The following TSC22D2 variants were observed in gnomAD, a reference collection of about 807,000 sequenced individuals.
TSC22D2 encodes TSC22 domain family protein 2.
TSC22D2 carries 5 observed loss-of-function variants against 50.1 expected under a neutral mutation model. The observed-to-expected ratio is 0.10, with a 90% CI of 0.05 to 0.21. TSC22D2 has a LOEUF of 0.21. TSC22D2 is among the 10% of genes least tolerant of loss of function. TSC22D2 has a pLI of 1.00. For synonymous variants in TSC22D2, 501 were observed against 450.1 expected (o/e 1.11, Z -1.43); for missense variants, 1,003 against 1,015.5 (o/e 0.99, Z 0.17).
chr3:150,446,667 G>A (rs752633494), intron 1 of TSC22D2, among the ~76,000 whole-genome samples: 8 of 151,870 alleles, frequency 5.3e-5, no homozygotes, highest in Non-Finnish European at 1.2e-4. Flanking sequence ...TGATGGCCAT[G>A]CTTGTGCTCT....
intron 1 of TSC22D2, 92 bp downstream of exon 1, chr3:150,411,400 GCCC>G (rs1452798400): frequency 1.5e-6 from 2 of 1,343,016 alleles, no homozygotes; most frequent in Admixed American, 4.7e-5. Flanking sequence ...GTCAACGGAG[GCCC>G]TTAGCATTTT....
chr3:150,430,116 C>T (rs1446626677), intron 1 of TSC22D2, among the ~76,000 whole-genome samples: 1 of 152,076 alleles, frequency 6.6e-6, no homozygotes, highest in East Asian at 1.9e-4. Flanking sequence ...GTAAGCACTT[C>T]ATATCTCTCA....
intron 1 of TSC22D2, among the ~76,000 whole-genome samples, chr3:150,446,267 G>C (rs961847835): frequency 6.6e-6 from 1 of 152,110 alleles, no homozygotes; most frequent in Admixed American, 6.6e-5. Context: ...AAATACTTTA[G>C]ACAAGAGATA....
intron 1 of TSC22D2, among the ~76,000 whole-genome samples, chr3:150,416,704 C>T (rs530321043): frequency 2.6e-5 from 4 of 152,206 alleles, no homozygotes; most frequent in East Asian, 1.9e-4. Context: ...CCAGTTTGCA[C>T]CATTCCTATA....
At chr3:150,442,657 T>C (rs943736549) in intron 1 of TSC22D2, among the ~76,000 whole-genome samples, 1 of 152,216 alleles carries the variant, frequency 6.6e-6, no homozygotes, top group Admixed American at 6.5e-5. Context: ...AGGCTAAATA[T>C]TAGCTTGTCT....
chr3:150,410,760 C>G lies in TSC22D2; in HGVS notation c.1410C>G (p.Leu470=), dbSNP rs764536032. The change falls in exon 1 of 3, where the codon CTC becomes CTG. Residue 470 remains leucine, a synonymous_variant. Coordinates refer to ENST00000688009, the MANE Select transcript of TSC22D2 (RefSeq NM_001303264.2). Reference sequence around the variant, plus strand: ...TGGGAGGCGTGGTGCAGCCGTGCCTCGGTCCTGCCGGGGCTGGGCAGCCCC... The same window carrying G: ...TGGGAGGCGTGGTGCAGCCGTGCCTGGGTCCTGCCGGGGCTGGGCAGCCCC... The part of the protein sequence containing the change: ...ATVGGVVQPC[L]GPAGAGQPQS... The G allele has an allele frequency of 6.2e-7, 1 of 1,608,984 alleles. No homozygotes were observed.
At chr3:150,415,132 A>G (rs1175661336) in intron 1 of TSC22D2, among the ~76,000 whole-genome samples, 1 of 152,120 alleles carries the variant, frequency 6.6e-6, no homozygotes, top group Non-Finnish European at 1.5e-5. Flanking sequence ...CTTTATTCAT[A>G]AACGTGGCTT....
chr3:150,409,070 T>G lies in TSC22D2; in HGVS notation c.-281T>G. ...TCTCGCCGCCTCTGAGGGAATTGAA[T>G]TGAGGCGCCGCGGCTGCGAGAGCTA... On this transcript the variant is annotated 5_prime_UTR_variant, in exon 1 of 3. Coordinates refer to ENST00000688009, the MANE Select transcript of TSC22D2 (RefSeq NM_001303264.2). This position sits in a 1 kb window ranked among gnomAD's most constrained non-coding sequence, Gnocchi z 7.4. The G allele has an allele frequency of 3.1e-6, 1 of 320,838 alleles. No homozygotes were observed. 19.9% of individuals were successfully genotyped at this position (320,838 alleles called of 1,614,324 possible).
chr3:150,421,313 G>A (rs1719999336), intron 1 of TSC22D2, among the ~76,000 whole-genome samples: 1 of 151,938 alleles, frequency 6.6e-6, no homozygotes, highest in South Asian at 2.1e-4. Flanking sequence ...TCCTGGGCAA[G>A]CCTGTTTTTT....
chr3:150,435,108 G>C (rs2108083142), intron 1 of TSC22D2, among the ~76,000 whole-genome samples: 1 of 152,098 alleles, frequency 6.6e-6, no homozygotes, highest in East Asian at 1.9e-4. Flanking sequence ...CTCCCGAGTA[G>C]CTGGGATTAC....
intron 1 of TSC22D2, among the ~76,000 whole-genome samples, chr3:150,414,207 C>T (rs1386963386): frequency 2.0e-5 from 3 of 152,158 alleles, no homozygotes; most frequent in Non-Finnish European, 4.4e-5. Context: ...ATCTTTCTGG[C>T]CATTTTCATT....
At position 150,410,586 on chromosome 3, in the gene TSC22D2, C is replaced by A; in HGVS notation, c.1236C>A (p.Pro412=). ...GCCCCGCCACGGCGGCCACCCTTCC[C>A]GTGGGCACCGGCCAGAATGCTTCCT... ...AASPATAATL[P]VGTGQNASSV... is the part of the protein sequence containing the mutation. The change falls in exon 1 of 3, where the codon CCC becomes CCA. Residue 412 remains proline, a synonymous_variant. Transcript: ENST00000688009. 1 of 1,557,432 alleles carries A rather than the reference C, an allele frequency of 6.4e-7. No homozygotes were observed. Among genetic ancestry groups the A allele is most frequent in the East Asian group, 2.4e-5 (1 of 41,636 alleles).
At position 150,463,793 on chromosome 3, in the gene TSC22D2, T is replaced by A. The variant is rs372319044; in HGVS notation, c.*5157T>A. 7.2e-5 allele frequency: 11 copies of A among 152,288 alleles called. No homozygotes were observed. The highest frequency in any genetic ancestry group is 1.9e-4 in the East Asian group (1 of 5,188). 9.4% of individuals were successfully genotyped at this position (152,288 alleles called of 1,614,324 possible). A position where few individuals can be genotyped will look rare whatever the true frequency, so the allele number is the denominator to read the frequency against. On this transcript the variant is annotated 3_prime_UTR_variant, in exon 3 of 3. Coordinates refer to ENST00000688009, the MANE Select transcript of TSC22D2 (RefSeq NM_001303264.2). ...AGAAAAATAAGACAGATTTTCAGAT[T>A]GGTGATGGCAAAGTAAGACGCTGGT...
chr3:150,430,227 AG>A, intron 1 of TSC22D2, among the ~76,000 whole-genome samples: 1 of 152,228 alleles, frequency 6.6e-6, no homozygotes, highest in African/African-American at 2.4e-5. Context: ...TAAAGAACTG[AG>A]GGGAAGGGAA....
chr3:150,424,485 A>C (rs1189243051), intron 1 of TSC22D2, among the ~76,000 whole-genome samples: 1 of 152,180 alleles, frequency 6.6e-6, no homozygotes. Context: ...TATTTTTATC[A>C]GTGTAGGAAG....
At position 150,408,339 on chromosome 3, in the gene TSC22D2, G is replaced by C. The variant is rs1297552069; in HGVS notation, c.-1012G>C. 6.5e-6 allele frequency: 1 copy of C among 153,300 alleles called. No individual in the cohort carries two copies. Among genetic ancestry groups the C allele is most frequent in the African/African-American group, 2.4e-5 (1 of 41,448 alleles). 9.5% of individuals were successfully genotyped at this position (153,300 alleles called of 1,614,324 possible). A position where few individuals can be genotyped will look rare whatever the true frequency, so the allele number is the denominator to read the frequency against. The stretch of plus-strand genomic sequence containing the variant: ...GGCAGCGGGGCTGCTGCTCCTCCCA[G>C]CATCCCTGGCGCGGCCATTTCAGCC... On this transcript the variant is annotated 5_prime_UTR_variant, in exon 1 of 3. Transcript: ENST00000688009.
At position 150,442,681 on chromosome 3, in the gene TSC22D2, G is replaced by A. The variant is rs145202466; in HGVS notation, c.1959-14395G>A. Among the ~76,000 whole-genome samples the A allele has an allele frequency of 3.5e-4, 54 of 152,228 alleles. 1 individual carries two copies. The East Asian group carries it at 8.9e-3, about 25-fold the overall frequency. On this transcript the variant is annotated intron_variant, in intron 1 of 2. Coordinates refer to ENST00000688009, the MANE Select transcript of TSC22D2 (RefSeq NM_001303264.2). Reference sequence around the variant, plus strand: ...ATTAGCTTGTCTAAAGTCATATCTCGGTTTTGGTGCAGTGGCTCAAGCCTG... The same window carrying A: ...ATTAGCTTGTCTAAAGTCATATCTCAGTTTTGGTGCAGTGGCTCAAGCCTG...
chr3:150,415,007 TTAG>T (rs1719748136), intron 1 of TSC22D2, among the ~76,000 whole-genome samples: 1 of 150,850 alleles, frequency 6.6e-6, no homozygotes, highest in East Asian at 1.9e-4. Flanking sequence ...TACTGAGGAG[TTAG>T]TAGTAAAAAT....
intron 1 of TSC22D2, among the ~76,000 whole-genome samples, chr3:150,440,278 T>C (rs1720674916): frequency 6.6e-6 from 1 of 151,892 alleles, no homozygotes; most frequent in African/African-American, 2.4e-5. Flanking sequence ...ATAAATTTGA[T>C]TTATCTTGAA....
Sources: gnomAD v4.1 joint callset for allele counts (sites outside exome capture counted in the v4.1 genomes callset) on GRCh38, gnomAD v4.1.1 for gene constraint, Gnocchi (gnomAD v3.1) non-coding constraint, MANE v1.5 for transcripts, NCBI Gene and HGNC (gene_info 2026-07-23, HGNC 2026-07-21) for gene names.